Variants in BMAL2 observed in about 807,000 individuals in gnomAD.
BMAL2 encodes the protein basic helix-loop-helix ARNT like 2, also known as basic helix-loop-helix ARNT-like protein 2.
chr12:27,386,994 C>G, the BMAL2 span, among the ~76,000 whole-genome samples: 1 of 152,140 alleles, frequency 6.6e-6, no homozygotes, highest in African/African-American at 2.4e-5. Flanking sequence ...TATTCTGCAG[C>G]CAAACTTTTC....
chr12:27,376,492 G>A, the BMAL2 span: 4 of 940,816 alleles, frequency 4.3e-6, no homozygotes, highest in South Asian at 1.6e-5. Context: ...GCTTGAAGAT[G>A]AGGCTTTTCT....
the BMAL2 span, chr12:27,415,836 A>C: frequency 3.9e-5 from 57 of 1,460,852 alleles, no homozygotes; most frequent in Non-Finnish European, 5.4e-5. Context: ...AAATATGTAA[A>C]ATTAAAAATG....
chr12:27,403,623 C>CTA, the BMAL2 span: 1 of 783,746 alleles, frequency 1.3e-6, no homozygotes, highest in Non-Finnish European at 2.0e-6. Context: ...AGTAGCCTTC[C>CTA]TATATACAAA....
chr12:27,397,860 C>T, the BMAL2 span, among the ~76,000 whole-genome samples: 7 of 152,022 alleles, frequency 4.6e-5, no homozygotes, highest in Non-Finnish European at 8.8e-5. Context: ...CAACAGTACA[C>T]CCAGAATCCA....
chr12:27,334,528 T>G, the BMAL2 span, among the ~76,000 whole-genome samples: 34 of 152,330 alleles, frequency 2.2e-4, 1 homozygote, highest in East Asian at 4.0e-3. Flanking sequence ...TAAGAAAGTG[T>G]TGTCCCTTGT....
chr12:27,409,466 A>G, the BMAL2 span, among the ~76,000 whole-genome samples: 1 of 152,222 alleles, frequency 6.6e-6, no homozygotes, highest in African/African-American at 2.4e-5. Flanking sequence ...CTGATCTTTG[A>G]CAAACCTGAC....
chr12:27,372,856 G>A, the BMAL2 span, among the ~76,000 whole-genome samples: 6,978 of 152,056 alleles, frequency 0.046, 172 homozygotes, highest in Non-Finnish European at 0.061. Flanking sequence ...TGTATTATTA[G>A]TAGAGACGGG....
the BMAL2 span, among the ~76,000 whole-genome samples, chr12:27,334,579 C>T: frequency 6.6e-6 from 1 of 152,128 alleles, no homozygotes; most frequent in African/African-American, 2.4e-5. Context: ...GAAAATGCAC[C>T]TACTAATTCA....
chr12:27,361,012 A>G, the BMAL2 span, among the ~76,000 whole-genome samples: 2 of 152,178 alleles, frequency 1.3e-5, no homozygotes, highest in African/African-American at 4.8e-5. Flanking sequence ...TTTAAGATAT[A>G]GCACACTATT....
the BMAL2 span, among the ~76,000 whole-genome samples, chr12:27,384,018 T>C: frequency 6.6e-6 from 1 of 152,206 alleles, no homozygotes; most frequent in Non-Finnish European, 1.5e-5. Context: ...TGTCTAAGGA[T>C]GTTACCCCAC....
chr12:27,385,516 C>A, the BMAL2 span: 2 of 1,606,872 alleles, frequency 1.2e-6, no homozygotes, highest in Middle Eastern at 1.7e-4. Context: ...TAATTATAGA[C>A]CATCATTTCT....
At chr12:27,420,050 A>ACAC in the BMAL2 span, among the ~76,000 whole-genome samples, 42 of 59,554 alleles carry the variant, frequency 7.1e-4, no homozygotes, top group African/African-American at 2.5e-3. Flanking sequence ...CACACACACA[A>ACAC]ACATACACTA....
At chr12:27,375,569 G>A in the BMAL2 span, among the ~76,000 whole-genome samples, 1 of 152,146 alleles carries the variant, frequency 6.6e-6, no homozygotes, top group Non-Finnish European at 1.5e-5. Flanking sequence ...GTATCTACAT[G>A]TTTAGGAAAT....
the BMAL2 span, chr12:27,400,465 G>C: frequency 7.8e-7 from 1 of 1,286,750 alleles, no homozygotes; most frequent in Non-Finnish European, 1.1e-6. Context: ...TATTATAGAT[G>C]TCAATATAAG....
chr12:27,368,951 C>A, the BMAL2 span, among the ~76,000 whole-genome samples: 1 of 152,186 alleles, frequency 6.6e-6, no homozygotes, highest in East Asian at 1.9e-4. Flanking sequence ...TCTTTAATGA[C>A]TTCCCCAAAG....
At chr12:27,358,748 A>G in the BMAL2 span, among the ~76,000 whole-genome samples, 1 of 152,188 alleles carries the variant, frequency 6.6e-6, no homozygotes, top group African/African-American at 2.4e-5. Context: ...GCACTTATAC[A>G]TGCACAAAAA....
chr12:27,343,414 C>T, the BMAL2 span, among the ~76,000 whole-genome samples: 11 of 152,148 alleles, frequency 7.2e-5, no homozygotes, highest in Admixed American at 2.0e-4. Context: ...CTTGAGTTGT[C>T]GGGAATCATG....
the BMAL2 span, among the ~76,000 whole-genome samples, chr12:27,367,854 A>G: frequency 6.6e-6 from 1 of 150,656 alleles, no homozygotes; most frequent in East Asian, 1.9e-4. Flanking sequence ...ATGTATACAC[A>G]TTTTTTTTGA....
At chr12:27,415,305 A>G in the BMAL2 span, among the ~76,000 whole-genome samples, 1 of 152,224 alleles carries the variant, frequency 6.6e-6, no homozygotes, top group African/African-American at 2.4e-5. Flanking sequence ...TCATTTTACT[A>G]TGTATATGTA....
Sources: gnomAD v4.1 joint callset for allele counts (sites outside exome capture counted in the v4.1 genomes callset) on GRCh38, gnomAD v4.1.1 for gene constraint, MANE v1.5 for transcripts, NCBI Gene and HGNC (gene_info 2026-07-23, HGNC 2026-07-21) for gene names.